RNF213: variants seen among roughly 807,000 people sequenced by gnomAD.
RNF213 encodes ring finger protein 213, also known as E3 ubiquitin-protein ligase RNF213.
In RNF213, 341 loss-of-function variants were observed where a neutral mutation model predicts 514.4. The observed-to-expected ratio is 0.66, with a 90% CI of 0.61 to 0.73. The LOEUF is 0.73. RNF213 is among the 30% of genes least tolerant of loss of function. RNF213 has a pLI of 0.00. For synonymous variants in RNF213, 2,655 were observed against 2,658.2 expected (o/e 1.00, Z 0.04); for missense variants, 5,767 against 6,615.6 (o/e 0.87, Z 4.45).
chr17:80,284,756 C>G lies in RNF213; in HGVS notation c.262-3059C>G, dbSNP rs34163146. Reference sequence around the variant, plus strand: ...CATCAGCTGTTTCCCGTTACTCCCTCGTGCCACACAGTGGCTTCCCCTGTG... The same window carrying G: ...CATCAGCTGTTTCCCGTTACTCCCTGGTGCCACACAGTGGCTTCCCCTGTG... On this transcript the variant is annotated intron_variant, in intron 3 of 67. Transcript: ENST00000582970. Among the ~76,000 whole-genome samples the G allele has an allele frequency of 6.5e-3, 993 of 152,246 alleles. 6 individuals are homozygous for G. Among genetic ancestry groups the G allele is most frequent in the South Asian group, 0.013 (62 of 4,822 alleles).
chr17:80,307,360 C>CT (rs1203567170), intron 13 of RNF213, among the ~76,000 whole-genome samples, 159 bp downstream of exon 13: 13 of 121,380 alleles, frequency 1.1e-4, no homozygotes, highest in Middle Eastern at 4.1e-3. Flanking sequence ...ATATTGTCGT[C>CT]TGTTTTTTTT....
At chr17:80,333,819 C>T (rs762659863) in intron 21 of RNF213, 27 of 387,968 alleles carry the variant, frequency 7.0e-5, no homozygotes, top group Non-Finnish European at 1.2e-4. Context: ...ACAGTAGTTA[C>T]TTGGCAGGGT....
rs372791334 is a variant in RNF213 at position 80,376,369 on chromosome 17, T to C, written c.13254T>C (p.Phe4418=). The C allele has an allele frequency of 9.9e-5, 160 of 1,614,122 alleles. No homozygotes were observed. Among genetic ancestry groups the C allele is most frequent in the Non-Finnish European group, 7.6e-5 (90 of 1,180,054 alleles). Residue 4418 remains phenylalanine, a synonymous_variant, in exon 52 of 68, where the codon TTT becomes TTC. Transcript: ENST00000582970. The part of the protein sequence containing the change: ...KILSPPDISR[F]ATSLVDNSVP... Reference sequence around the variant, plus strand: ...TTTCACCTCCTGATATCAGCCGTTTTGCAACATCGCTCGTGGACAATTCTG... The same window carrying C: ...TTTCACCTCCTGATATCAGCCGTTTCGCAACATCGCTCGTGGACAATTCTG...
Position 80,376,510 on chromosome 17 carries a change from A to G in RNF213, c.13395A>G (p.Leu4465=), listed in dbSNP as rs748122501. 2 of 1,614,134 alleles carry G rather than the reference A, an allele frequency of 1.2e-6. No homozygotes were observed. Among genetic ancestry groups the G allele is most frequent in the Middle Eastern group, 1.6e-4 (1 of 6,062 alleles). The part of the protein sequence containing the change: ...LCGQNELLEP[L]KNLAFSPATM... ...GACAGAATGAACTCTTGGAGCCCCTAAAGAATCTGGCCTTCTCCCCAGCCA... is the reference window on the plus strand; with the variant it reads ...GACAGAATGAACTCTTGGAGCCCCTGAAGAATCTGGCCTTCTCCCCAGCCA... Residue 4465 remains leucine (L), a synonymous_variant, in exon 52 of 68, where the codon CTA becomes CTG. Coordinates refer to ENST00000582970, the MANE Select transcript of RNF213 (RefSeq NM_001256071.3).
rs2044881664 is a variant in RNF213 at position 80,294,987 on chromosome 17, A to G, written c.1739A>G (p.Gln580Arg). The G allele has an allele frequency of 1.9e-6, 3 of 1,614,092 alleles. No homozygotes were observed. Among genetic ancestry groups the G allele is most frequent in the South Asian group, 1.1e-5 (1 of 91,094 alleles). ...EGQAQLWTDL[Q>R]YREKEVKRYL... is the part of the protein sequence containing the mutation. ...CAGGCACAGCTGTGGACCGATTTGC[A>G]GTACAGGGAGAAAGAGGTATCAGGC... Residue 580 changes from glutamine (Q) to arginine (R), a missense_variant, in exon 9 of 68, where the codon CAG (glutamine) becomes CGG (arginine). This residue lies in a region of RNF213 where 592 missense variants were observed against 673.9 expected (regional missense o/e 0.88). Transcript: ENST00000582970.
chr17:80,302,592 A>G (rs1048507950), intron 11 of RNF213, among the ~76,000 whole-genome samples: 4 of 152,210 alleles, frequency 2.6e-5, no homozygotes, highest in Non-Finnish European at 4.4e-5. Flanking sequence ...TTGGTGGCTC[A>G]TGCCTATAAT....
At chr17:80,386,630 A>T in intron 62 of RNF213, 60 bp from the exon 63 acceptor site, 1 of 1,573,376 alleles carries the variant, frequency 6.4e-7, no homozygotes, top group Non-Finnish European at 8.7e-7. Context: ...TCCCTGCAAC[A>T]TAGAGCCCTA....
At position 80,289,605 on chromosome 17, in the gene RNF213, A is replaced by G. The variant is rs186294080; in HGVS notation, c.934-54A>G. On this transcript the variant is annotated intron_variant, in intron 5 of 67. Coordinates refer to ENST00000582970, the MANE Select transcript of RNF213 (RefSeq NM_001256071.3). The stretch of plus-strand genomic sequence containing the variant: ...GACTCTGTCTCAGAAAAAAAAAAAA[A>G]AAAGAAAATGTGGAGGCCGGCCTTC... 9.6e-3 allele frequency: 15,226 copies of G among 1,581,152 alleles called. 60 individuals are homozygous for G. The highest frequency in any genetic ancestry group is 0.011 in the Non-Finnish European group (12,539 of 1,159,660).
chr17:80,294,555 G>A (rs1339886713), intron 8 of RNF213, among the ~76,000 whole-genome samples, 165 bp from the exon 9 acceptor site: 1 of 152,182 alleles, frequency 6.6e-6, no homozygotes, highest in African/African-American at 2.4e-5. Flanking sequence ...AGTTGGAGGA[G>A]TCTGGCTGTC....
In RNF213 at chr17:80,263,762, T is replaced by C. The variant is rs1394605019; in HGVS notation, c.81T>C (p.Pro27=). The change falls in exon 2 of 68, where the codon CCT becomes CCC. Residue 27 remains proline (P), a synonymous_variant. Transcript: ENST00000582970. The surrounding 1 kb of genome is among the most constrained non-coding windows in gnomAD (Gnocchi z 4.9). ...FCSQCGERLP[P]AAPIADSENN... ...GCCAGTGCGGAGAGAGGCTGCCTCCTGCAGCCCCCATAGCAGGTGAGGCCC... is the reference window on the plus strand; with the variant it reads ...GCCAGTGCGGAGAGAGGCTGCCTCCCGCAGCCCCCATAGCAGGTGAGGCCC... 6.2e-7 allele frequency: 1 copy of C among 1,613,978 alleles called. No homozygotes were observed. The highest frequency in any genetic ancestry group is 8.5e-7 in the Non-Finnish European group (1 of 1,179,896).
chr17:80,334,361 C>T, intron 22 of RNF213, 91 bp downstream of exon 22: 1 of 1,369,354 alleles, frequency 7.3e-7, no homozygotes, highest in Non-Finnish European at 9.7e-7. Context: ...GGCAATACCT[C>T]CCCTTGGCCA....
chr17:80,372,622 GGGCCGAGAGCCTGCCAACGA>G lies in RNF213; in HGVS notation c.12644_12663del (p.Arg4215LeufsTer3). 3 of 1,614,070 alleles carry G rather than the reference GGGCCGAGAGCCTGCCAACGA, an allele frequency of 1.9e-6. No individual in the cohort carries two copies. The highest frequency in any genetic ancestry group is 2.5e-6 in the Non-Finnish European group (3 of 1,180,026). ...TTAAGGCATATTCTCCAGCAAGCCGGGGCCGAGAGCCTGCCAACGAGGCCTCGGTTGAATACCTGCAAGAG... is the reference window on the plus strand; with the variant it reads ...TTAAGGCATATTCTCCAGCAAGCCGGGGCCTCGGTTGAATACCTGCAAGAG... On this transcript the variant is annotated frameshift_variant, in exon 48 of 68. Transcript: ENST00000582970. LOFTEE classifies it high-confidence loss of function.
intron 3 of RNF213, among the ~76,000 whole-genome samples, chr17:80,281,632 A>AAC (rs2044303226): frequency 1.4e-5 from 1 of 69,304 alleles, no homozygotes; most frequent in Non-Finnish European, 3.3e-5. Flanking sequence ...ACACACCCCC[A>AAC]ACACACACTC....
chr17:80,357,089 G>A (rs2078856597), intron 36 of RNF213, among the ~76,000 whole-genome samples: 1 of 151,962 alleles, frequency 6.6e-6, no homozygotes, highest in African/African-American at 2.4e-5. Context: ...TGTAATTTTT[G>A]TATTTTTAGT....
At chr17:80,274,317 C>T (rs925426766) in intron 3 of RNF213, among the ~76,000 whole-genome samples, 1 of 151,478 alleles carries the variant, frequency 6.6e-6, no homozygotes, top group Non-Finnish European at 1.5e-5. Flanking sequence ...GTTAAGATTC[C>T]CAGTTGGAGC....
At chr17:80,324,907 G>T (rs953090440) in intron 17 of RNF213, 123 bp from the exon 18 acceptor site, 3 of 971,232 alleles carry the variant, frequency 3.1e-6, no homozygotes, top group Non-Finnish European at 4.6e-6. Context: ...TCTTTTTGTG[G>T]CCTTATAAAA....
intron 10 of RNF213, among the ~76,000 whole-genome samples, chr17:80,296,879 A>G (rs9889839): frequency 0.56 from 84,320 of 151,358 alleles, 25,012 homozygotes; most frequent in African/African-American, 0.77. Flanking sequence ...ACGGGGTTTC[A>G]CCATGTTGCC....
Position 80,313,225 on chromosome 17 carries a change from G to A in RNF213, c.2811+58G>A, listed in dbSNP as rs900999176. On this transcript the variant is annotated intron_variant, in intron 15 of 67. Coordinates refer to ENST00000582970, the MANE Select transcript of RNF213 (RefSeq NM_001256071.3). ...ATGTGACTGATCGTGATTCCTCATG[G>A]CCTCAAATCATGGGGTACAGGCTGC... The A allele has an allele frequency of 1.6e-5, 25 of 1,604,428 alleles. No homozygotes were observed. The African/African-American group carries it at 1.7e-4, about 11-fold the overall frequency.
At chr17:80,332,659 G>C (rs1437224929) in intron 21 of RNF213, 28 bp downstream of exon 21, 49 of 1,458,872 alleles carry the variant, frequency 3.4e-5, no homozygotes, top group Non-Finnish European at 4.4e-5. Flanking sequence ...GACTGTGGGG[G>C]TTTGGAGGGG....
Sources: gnomAD v4.1 joint callset for allele counts (sites outside exome capture counted in the v4.1 genomes callset) on GRCh38, gnomAD v4.1.1 for gene constraint, gnomAD v4.1.1 regional missense constraint, Gnocchi (gnomAD v3.1) non-coding constraint, MANE v1.5 for transcripts, NCBI Gene and HGNC (gene_info 2026-07-23, HGNC 2026-07-21) for gene names.